The following RDX variants were observed in gnomAD, a reference collection of about 807,000 sequenced individuals.
The protein encoded by RDX is radixin.
A neutral mutation model predicts 83.7 loss-of-function variants in RDX; 32 were observed. The ratio of observed to expected loss-of-function variants is 0.38; its 90% confidence interval spans 0.29 to 0.51. RDX has a LOEUF of 0.51. RDX is among the 20% of genes least tolerant of loss of function. RDX has a pLI of 0.87. For missense variants in RDX, 600 were observed against 689.9 expected (o/e 0.87, Z 1.46); for synonymous variants, 229 against 222.7 (o/e 1.03, Z -0.25).
rs1460259732 is a variant in RDX, at chr11:110,264,859, CAACT to C, written c.108_111del (p.Gly38CysfsTer12). 11 of 1,613,728 alleles carry C rather than the reference CAACT, an allele frequency of 6.8e-6. No individual in the cohort carries two copies. The highest frequency in any genetic ancestry group is 1.1e-5 in the South Asian group (1 of 91,064). On this transcript the variant is annotated frameshift_variant, in exon 4 of 14. Transcript: ENST00000645495. LOFTEE classifies it high-confidence loss of function. ...CCAAAAAACCAGACCTCACGCAAACCAACTGTTTTCACCACCTAAAACACAACAA... is the reference window on the plus strand; with the variant it reads ...CCAAAAAACCAGACCTCACGCAAACCGTTTTCACCACCTAAAACACAACAA...
chr11:110,205,882 T>C (rs1397909460), intron 14 of RDX, among the ~76,000 whole-genome samples: 3 of 152,214 alleles, frequency 2.0e-5, no homozygotes, highest in Admixed American at 2.0e-4. Context: ...GAAATACTGT[T>C]GTGCTTATTC....
rs556332581 is a variant in RDX at position 110,230,321 on chromosome 11, C to T, written c.*1548G>A. 2.0e-5 allele frequency: 3 copies of T among 152,138 alleles called. No individual in the cohort carries two copies. The East Asian group carries it at 5.8e-4, about 29-fold the overall frequency. The allele number at this position is 152,138 out of a possible 1,614,324, so 9.4% of individuals were successfully genotyped here. ...TTTTACAATAAACAAAGTATTAGAA[C>T]ATGTGAATATTAGAACCTCCTTCTA... On this transcript the variant is annotated 3_prime_UTR_variant, in exon 14 of 14. Coordinates refer to ENST00000645495, the MANE Select transcript of RDX (RefSeq NM_002906.4).
chr11:110,255,223 G>A (rs1462077125), intron 8 of RDX, 66 bp downstream of exon 8: 4 of 845,172 alleles, frequency 4.7e-6, no homozygotes, highest in Non-Finnish European at 8.0e-6. Flanking sequence ...TATTCTTCAA[G>A]TGATATCATG....
Position 110,272,329 on chromosome 11 carries a change from A to G in RDX, c.96+207T>C, listed in dbSNP as rs1676530. 0.27 allele frequency among the ~76,000 whole-genome samples: 40,700 copies of G among 152,118 alleles called. 6,116 individuals carry two copies. The highest frequency in any genetic ancestry group is 0.34 in the Non-Finnish European group (22,925 of 67,966). On this transcript the variant is annotated intron_variant, in intron 3 of 13. Coordinates refer to ENST00000645495, the MANE Select transcript of RDX (RefSeq NM_002906.4). ...TAAATACCTGCTGAAAATTATTTTC[A>G]AGAAGTCCTCTCCCACAAATGTAGG...
intron 14 of RDX, among the ~76,000 whole-genome samples, chr11:110,200,736 T>C (rs1340869224): frequency 6.6e-6 from 1 of 152,188 alleles, no homozygotes; most frequent in Non-Finnish European, 1.5e-5. Context: ...ACAATGACAT[T>C]TATTAATGGT....
intron 12 of RDX, among the ~76,000 whole-genome samples, chr11:110,235,239 C>G (rs1192592151): frequency 6.6e-6 from 1 of 152,086 alleles, no homozygotes; most frequent in Non-Finnish European, 1.5e-5. Context: ...ACTGCAGAGG[C>G]TGAGGTGGGA....
At chr11:110,213,161 G>C (rs1184284200) in intron 14 of RDX, among the ~76,000 whole-genome samples, 1 of 152,044 alleles carries the variant, frequency 6.6e-6, no homozygotes, top group Non-Finnish European at 1.5e-5. Flanking sequence ...AATCAATGTA[G>C]TACAAAAATC....
At chr11:110,233,171 T>G in intron 13 of RDX, 66 bp downstream of exon 13, 1 of 1,592,276 alleles carries the variant, frequency 6.3e-7, no homozygotes, top group Non-Finnish European at 8.6e-7. Context: ...TTTAACTAAG[T>G]TTGTCTAAGA....
At chr11:110,260,135 C>T (rs1859742940) in intron 5 of RDX, among the ~76,000 whole-genome samples, 1 of 151,730 alleles carries the variant, frequency 6.6e-6, no homozygotes, top group Non-Finnish European at 1.5e-5. Flanking sequence ...TACAGGCATG[C>T]ACCACCACGC....
At chr11:110,242,270 T>C (rs1022943425) in intron 10 of RDX, among the ~76,000 whole-genome samples, 2 of 151,978 alleles carry the variant, frequency 1.3e-5, no homozygotes, top group African/African-American at 4.8e-5. Flanking sequence ...CTGGCCAACA[T>C]GGTGAAACCT....
chr11:110,226,186 A>T (rs1333329461), downstream of RDX, among the ~76,000 whole-genome samples: 1 of 152,238 alleles, frequency 6.6e-6, no homozygotes, highest in African/African-American at 2.4e-5. Flanking sequence ...ACCAATGTTC[A>T]AAGCAGCAAT....
intron 1 of RDX, among the ~76,000 whole-genome samples, chr11:110,294,189 G>A (rs1861353559): frequency 6.6e-6 from 1 of 152,260 alleles, no homozygotes; most frequent in African/African-American, 2.4e-5. Flanking sequence ...AGGTCCAGGA[G>A]TTCCAGACCA....
chr11:110,175,371 CT>C (rs1448785702), intron 15 of RDX: 1 of 152,226 alleles, frequency 6.6e-6, no homozygotes, highest in Non-Finnish European at 1.5e-5. Flanking sequence ...ACCTTTTATG[CT>C]GAAGCAGCTG....
intron 15 of RDX, among the ~76,000 whole-genome samples, chr11:110,192,967 A>C (rs901019811): frequency 6.6e-6 from 1 of 152,230 alleles, no homozygotes; most frequent in African/African-American, 2.4e-5. Flanking sequence ...GAGATTTCTC[A>C]AAGAACTTAA....
In RDX at chr11:110,254,068, C is replaced by T. The variant is rs746156327; in HGVS notation, c.837G>A (p.Arg279=). 6.2e-7 allele frequency: 1 copy of T among 1,613,590 alleles called. No individual in the cohort carries two copies. The highest frequency in any genetic ancestry group is 8.5e-7 in the Non-Finnish European group (1 of 1,179,824). Residue 279 remains arginine (R), a synonymous_variant, in exon 9 of 14, where the codon CGG becomes CGA. Coordinates refer to ENST00000645495, the MANE Select transcript of RDX (RefSeq NM_002906.4). ...FYAPRLRINK[R]ILALCMGNHE... ...GGTTTCCCATACATAAGGCCAAAAT[C>T]CGCTTATTGATTCTCAGACGAGGTG...
chr11:110,179,665 C>T (rs141803396), intron 15 of RDX, among the ~76,000 whole-genome samples: 3 of 152,092 alleles, frequency 2.0e-5, no homozygotes, highest in East Asian at 1.9e-4. Flanking sequence ...CCCAGCTATT[C>T]GGGAAGCCAA....
chr11:110,265,876 AT>A (rs1860019856), intron 3 of RDX, among the ~76,000 whole-genome samples: 1 of 152,178 alleles, frequency 6.6e-6, no homozygotes, highest in Non-Finnish European at 1.5e-5. Flanking sequence ...CTATCCTGCT[AT>A]TAGAAAATTT....
chr11:110,227,097 G>C (rs1414682848), downstream of RDX, among the ~76,000 whole-genome samples: 2 of 152,118 alleles, frequency 1.3e-5, no homozygotes, highest in Non-Finnish European at 1.5e-5. Context: ...TAAAAGGAAA[G>C]TGAGGGAGGA....
chr11:110,194,975 TTTTTGTTTTG>T (rs145277513), intron 15 of RDX, among the ~76,000 whole-genome samples: 24 of 151,010 alleles, frequency 1.6e-4, no homozygotes, highest in Middle Eastern at 3.4e-3. Context: ...TTTTGGTTGT[TTTTTGTTTTG>T]TTTTGTTTTG....
Sources: gnomAD v4.1 joint callset for allele counts (sites outside exome capture counted in the v4.1 genomes callset) on GRCh38, gnomAD v4.1.1 for gene constraint, MANE v1.5 for transcripts, NCBI Gene and HGNC (gene_info 2026-07-23, HGNC 2026-07-21) for gene names.